PCDHB10: variants seen among roughly 807,000 people sequenced by gnomAD.
The protein encoded by PCDHB10 is protocadherin beta 10.
For missense variants in PCDHB10, 1,046 were observed against 1,004.7 expected (o/e 1.04, Z -0.56); for synonymous variants, 448 against 449.2 (o/e 1.00, Z 0.04).
rs149961535 is a variant in PCDHB10 at position 141,194,735 on chromosome 5, C to T, written c.2183C>T (p.Ser728Leu). Residue 728 changes from serine (S) to leucine (L), a missense_variant, in exon 1 of 1, where the codon TCG becomes TTG. Physicochemically the swap from Ser to Leu is moderately radical, Grantham distance 145. Transcript: ENST00000239446. ...RSRAASVGRC[S>L]VPEGPFPGHL... ...AGGGCGGCCTCGGTGGGTCGCTGCT[C>T]GGTGCCCGAGGGTCCTTTTCCAGGG... 26 of 1,612,996 alleles carry T rather than the reference C, an allele frequency of 1.6e-5. No individual in the cohort carries two copies. The South Asian group carries it at 1.9e-4, about 12-fold the overall frequency.
chr5:141,194,486 A>T lies in PCDHB10; in HGVS notation c.1934A>T (p.Lys645Met). The change falls in exon 1 of 1, where the codon AAG becomes ATG. Residue 645 changes from lysine (K) to methionine (M), a missense_variant. By Grantham distance (95) the Lys-to-Met change is moderately conservative. Coordinates refer to ENST00000239446, the MANE Select transcript of PCDHB10 (RefSeq NM_018930.4). Reference protein sequence around the residue: ...AAKHRLVVLVKDNGEPPRSAT... With the variant: ...AAKHRLVVLVMDNGEPPRSAT... ...AAGCACAGGCTCGTGGTGCTTGTCA[A>T]GGACAATGGCGAGCCTCCTCGCTCG... The T allele has an allele frequency of 6.3e-7, 1 of 1,595,254 alleles. No homozygotes were observed. Among genetic ancestry groups the T allele is most frequent in the Non-Finnish European group, 8.5e-7 (1 of 1,176,404 alleles).
chr5:141,193,577 A>G lies in PCDHB10; in HGVS notation c.1025A>G (p.Asp342Gly), dbSNP rs1402856574. Residue 342 changes from aspartate (D) to glycine (G), a missense_variant, in exon 1 of 1, where the codon GAC becomes GGC. Transcript: ENST00000239446. ...RVLVEVLDTN[D>G]NPPELIVSSF... ...TTAGTGGAAGTATTGGACACCAATG[A>G]CAATCCCCCTGAACTGATCGTATCA... 2 of 1,614,128 alleles carry G rather than the reference A, an allele frequency of 1.2e-6. No homozygotes were observed. The highest frequency in any genetic ancestry group is 3.3e-5 in the Admixed American group (2 of 60,020).
In PCDHB10 at chr5:141,193,085, T is replaced by C; in HGVS notation, c.533T>C (p.Phe178Ser). 6.2e-7 allele frequency: 1 copy of C among 1,614,162 alleles called. No individual in the cohort carries two copies. Among genetic ancestry groups the C allele is most frequent in the Non-Finnish European group, 8.5e-7 (1 of 1,180,028 alleles). ...QNYTISPNSF[F>S]HINISGGDEG... Reference sequence around the variant, plus strand: ...TACACGATCAGCCCCAACTCTTTTTTCCATATTAACATTAGTGGCGGTGAT... The same window carrying C: ...TACACGATCAGCCCCAACTCTTTTTCCCATATTAACATTAGTGGCGGTGAT... Residue 178 changes from phenylalanine to serine, a missense_variant, in exon 1 of 1, where the codon TTC (phenylalanine) becomes TCC (serine). Phe to Ser is a radical substitution (Grantham distance 155, BLOSUM62 -2). Transcript: ENST00000239446.
At position 141,193,884 on chromosome 5, in the gene PCDHB10, C is replaced by T. The variant is rs782037863; in HGVS notation, c.1332C>T (p.Val444=). The T allele has an allele frequency of 6.2e-7, 1 of 1,613,854 alleles. No individual in the cohort carries two copies. Among genetic ancestry groups the T allele is most frequent in the South Asian group, 1.1e-5 (1 of 91,052 alleles). ...ACATAACGGTCCTGGTCTCCGACGT[C>T]AATGACAACGCCCCCGCCTTCACCC... ...EHNITVLVSD[V]NDNAPAFTQT... is the part of the protein sequence containing the mutation. Residue 444 remains valine, a synonymous_variant, in exon 1 of 1, where the codon GTC becomes GTT. Coordinates refer to ENST00000239446, the MANE Select transcript of PCDHB10 (RefSeq NM_018930.4).
At position 141,192,924 on chromosome 5, in the gene PCDHB10, G is replaced by T. The variant is rs782082975; in HGVS notation, c.372G>T (p.Arg124Ser). 5.7e-5 allele frequency: 92 copies of T among 1,613,912 alleles called. No homozygotes were observed. Among genetic ancestry groups the T allele is most frequent in the South Asian group, 4.8e-4 (44 of 91,062 alleles). ...FQIYRAELRV[R>S]DINDHAPVFQ... ...TTTACCGGGCTGAGCTGAGAGTCAG[G>T]GATATAAATGATCACGCGCCAGTAT... The change falls in exon 1 of 1, where the codon AGG becomes AGT. Residue 124 changes from arginine to serine, a missense_variant. By Grantham distance (110) the Arg-to-Ser change is moderately radical (BLOSUM62 -1). Coordinates refer to ENST00000239446, the MANE Select transcript of PCDHB10 (RefSeq NM_018930.4).
chr5:141,192,500 T>C lies in PCDHB10; in HGVS notation c.-53T>C. ...TGCAGGGTTTCCTACTGCTGTTCTT[T>C]TATGCTGGGAGCTGTGGCTGTAACC... On this transcript the variant is annotated 5_prime_UTR_variant, in exon 1 of 1. Coordinates refer to ENST00000239446, the MANE Select transcript of PCDHB10 (RefSeq NM_018930.4). 1 of 1,579,100 alleles carries C rather than the reference T, an allele frequency of 6.3e-7. No homozygotes were observed. Among genetic ancestry groups the C allele is most frequent in the South Asian group, 1.2e-5 (1 of 83,840 alleles).
chr5:141,193,765 A>G lies in PCDHB10; in HGVS notation c.1213A>G (p.Thr405Ala), dbSNP rs1753968561. 1.2e-6 allele frequency: 2 copies of G among 1,614,162 alleles called. No homozygotes were observed. The highest frequency in any genetic ancestry group is 1.3e-5 in the African/African-American group (1 of 75,008). The change falls in exon 1 of 1, where the codon ACA becomes GCA. Residue 405 changes from threonine (T) to alanine (A), a missense_variant. Physicochemically the swap from Thr to Ala is moderately conservative, Grantham distance 58. Coordinates refer to ENST00000239446, the MANE Select transcript of PCDHB10 (RefSeq NM_018930.4). ...TGTGGAGAATTTTTACATCCTAATTACAGAAGGCGCGCTGGACAGAGAGAT... is the reference window on the plus strand; with the variant it reads ...TGTGGAGAATTTTTACATCCTAATTGCAGAAGGCGCGCTGGACAGAGAGAT... ...PSVENFYILI[T>A]EGALDREIRA...
Position 141,194,464 on chromosome 5 carries a change from C to A in PCDHB10, c.1912C>A (p.His638Asn), listed in dbSNP as rs1554284412. The change falls in exon 1 of 1, where the codon CAC (histidine) becomes AAC (asparagine). Residue 638 changes from histidine to asparagine, a missense_variant. His to Asn is a moderately conservative substitution (Grantham distance 68). Transcript: ENST00000239446. ...RLLSERDAAK[H>N]RLVVLVKDNG... ...GCTGAGCGAGCGCGACGCAGCCAAG[C>A]ACAGGCTCGTGGTGCTTGTCAAGGA... 4 of 1,601,336 alleles carry A rather than the reference C, an allele frequency of 2.5e-6. No individual in the cohort carries two copies. Among genetic ancestry groups the A allele is most frequent in the Non-Finnish European group, 2.5e-6 (3 of 1,178,728 alleles).
rs17844565 is a variant in PCDHB10 at position 141,193,968 on chromosome 5, C to T, written c.1416C>T (p.Ser472=). Residue 472 remains serine, a synonymous_variant, in exon 1 of 1, where the codon AGC becomes AGT. Coordinates refer to ENST00000239446, the MANE Select transcript of PCDHB10 (RefSeq NM_018930.4). ...ACAGCCCCGCCCTGCACATCGGCAG[C>T]GTCAGCGCCACAGACAGAGACTCGG... ...ENNSPALHIG[S]VSATDRDSGT... is the part of the protein sequence containing the mutation. 1,571 of 1,610,810 alleles carry T rather than the reference C, an allele frequency of 9.8e-4. 9 individuals are homozygous for T. The African/African-American group carries it at 0.012, about 12-fold the overall frequency.
Position 141,194,780 on chromosome 5 carries a change from G to A in PCDHB10, c.2228G>A (p.Gly743Asp), listed in dbSNP as rs200948800. ...PFPGHLVDVR[G>D]AETLSQSYQY... ...CCAGGGCATCTGGTGGACGTGAGGG[G>A]CGCTGAGACCCTGTCCCAGAGCTAC... The change falls in exon 1 of 1, where the codon GGC becomes GAC. Residue 743 changes from glycine to aspartate, a missense_variant. Physicochemically the swap from Gly to Asp is moderately conservative, Grantham distance 94. Coordinates refer to ENST00000239446, the MANE Select transcript of PCDHB10 (RefSeq NM_018930.4). 314 of 1,613,968 alleles carry A rather than the reference G, an allele frequency of 1.9e-4. No individual in the cohort carries two copies. The highest frequency in any genetic ancestry group is 2.6e-4 in the Non-Finnish European group (307 of 1,180,004).
chr5:141,195,552 G>T lies in PCDHB10; in HGVS notation c.*597G>T, dbSNP rs1464065047. 6.0e-6 allele frequency: 1 copy of T among 166,426 alleles called. No individual in the cohort carries two copies. The highest frequency in any genetic ancestry group is 6.6e-5 in the Admixed American group (1 of 15,234). 10.3% of individuals were successfully genotyped at this position (166,426 alleles called of 1,614,324 possible). On this transcript the variant is annotated 3_prime_UTR_variant, in exon 1 of 1. Transcript: ENST00000239446. ...CCAATATTTTCTTATGTTAACTTTT[G>T]CTGATGTATAAAACAGACTATGCCT...
rs782225109 is a variant in PCDHB10 at position 141,194,984 on chromosome 5, G to T, written c.*29G>T. On this transcript the variant is annotated 3_prime_UTR_variant, in exon 1 of 1. Coordinates refer to ENST00000239446, the MANE Select transcript of PCDHB10 (RefSeq NM_018930.4). ...CTGTTTTTAGTTTCATATACTTTTG[G>T]TGTGTTACATAGCCATGTTTCTATT... The T allele has an allele frequency of 6.4e-7, 1 of 1,554,456 alleles. No homozygotes were observed. The highest frequency in any genetic ancestry group is 8.7e-7 in the Non-Finnish European group (1 of 1,149,746).
Position 141,195,196 on chromosome 5 carries a change from A to T in PCDHB10, c.*241A>T. The T allele has an allele frequency of 2.6e-6, 1 of 388,558 alleles. No homozygotes were observed. Among genetic ancestry groups the T allele is most frequent in the South Asian group, 4.7e-5 (1 of 21,190 alleles). The allele number at this position is 388,558 out of a possible 1,614,324, so 24.1% of individuals were successfully genotyped here. A position where few individuals can be genotyped will look rare whatever the true frequency, so the allele number is the denominator to read the frequency against. ...TTAATTCTTTCCAACTGCCCAAGGA[A>T]TTAATTACTATTATATCTCATTACA... is the stretch of plus-strand genomic sequence containing the variant. On this transcript the variant is annotated 3_prime_UTR_variant, in exon 1 of 1. Coordinates refer to ENST00000239446, the MANE Select transcript of PCDHB10 (RefSeq NM_018930.4).
rs782513627 is a variant in PCDHB10 at position 141,193,417 on chromosome 5, C to A, written c.865C>A (p.Arg289=). ...YSFFDASENI[R]TTFQINPFSG... The stretch of plus-strand genomic sequence containing the variant: ...ATTTTTTGATGCCTCAGAAAATATT[C>A]GAACAACCTTTCAAATCAATCCTTT... Residue 289 remains arginine, a synonymous_variant, in exon 1 of 1, where the codon CGA becomes AGA. Coordinates refer to ENST00000239446, the MANE Select transcript of PCDHB10 (RefSeq NM_018930.4). 8 of 1,614,126 alleles carry A rather than the reference C, an allele frequency of 5.0e-6. No individual in the cohort carries two copies. Among genetic ancestry groups the A allele is most frequent in the Non-Finnish European group, 6.8e-6 (8 of 1,179,996 alleles).
At position 141,193,705 on chromosome 5, in the gene PCDHB10, A is replaced by G. The variant is rs146383974; in HGVS notation, c.1153A>G (p.Ile385Val). Residue 385 changes from isoleucine (I) to valine (V), a missense_variant, in exon 1 of 1, where the codon ATT becomes GTT. By Grantham distance (29) the Ile-to-Val change is conservative (BLOSUM62 3). Coordinates refer to ENST00000239446, the MANE Select transcript of PCDHB10 (RefSeq NM_018930.4). The stretch of plus-strand genomic sequence containing the variant: ...AGAAAATGGAAAGATGGTTTGCTAC[A>G]TTCAAGAGAATCTGCCATTCCTACT... ...SGENGKMVCY[I>V]QENLPFLLKP... 8 of 1,614,074 alleles carry G rather than the reference A, an allele frequency of 5.0e-6. No homozygotes were observed. In the African/African-American group the frequency reaches 1.1e-4, roughly 22 times the overall value.
Position 141,195,076 on chromosome 5 carries a change from C to A in PCDHB10, c.*121C>A. 2 of 1,058,800 alleles carry A rather than the reference C, an allele frequency of 1.9e-6. No individual in the cohort carries two copies. The highest frequency in any genetic ancestry group is 2.6e-6 in the Non-Finnish European group (2 of 758,388). The allele number at this position is 1,058,800 out of a possible 1,614,324, so 65.6% of individuals were successfully genotyped here. A position where few individuals can be genotyped will look rare whatever the true frequency, so the allele number is the denominator to read the frequency against. On this transcript the variant is annotated 3_prime_UTR_variant, in exon 1 of 1. Transcript: ENST00000239446. ...CAAGCATTATTTTCAAGTAGTATAC[C>A]CCTGTGGTTTTACAATGTTTCATCA...
rs1364880510 is a variant in PCDHB10, at chr5:141,193,470, G to A, written c.918G>A (p.Leu306=). Residue 306 remains leucine, a synonymous_variant, in exon 1 of 1, where the codon TTG becomes TTA. Transcript: ENST00000239446. ...PFSGEIFLRE[L]LDYELVNSYK... The stretch of plus-strand genomic sequence containing the variant: ...CTGGGGAAATCTTTCTCAGAGAATT[G>A]CTTGATTATGAGTTAGTAAATTCTT... The A allele has an allele frequency of 1.5e-5, 25 of 1,614,014 alleles. No individual in the cohort carries two copies. The highest frequency in any genetic ancestry group is 1.8e-5 in the Non-Finnish European group (21 of 1,180,028).
rs782227730 is a variant in PCDHB10, at chr5:141,193,070, G to A, written c.518G>A (p.Ser173Asn). 4.3e-6 allele frequency: 7 copies of A among 1,614,176 alleles called. No individual in the cohort carries two copies. The highest frequency in any genetic ancestry group is 1.3e-5 in the African/African-American group (1 of 75,024). ...AACGGTATCCAAAACTACACGATCA[G>A]CCCCAACTCTTTTTTCCATATTAAC... is the stretch of plus-strand genomic sequence containing the variant. Reference protein sequence around the residue: ...GLNGIQNYTISPNSFFHINIS... With the variant: ...GLNGIQNYTINPNSFFHINIS... The change falls in exon 1 of 1, where the codon AGC becomes AAC. Residue 173 changes from serine (S) to asparagine (N), a missense_variant. Physicochemically the swap from Ser to Asn is conservative, Grantham distance 46 (BLOSUM62 1). Coordinates refer to ENST00000239446, the MANE Select transcript of PCDHB10 (RefSeq NM_018930.4).
rs1753936404 is a variant in PCDHB10 at position 141,192,864 on chromosome 5, G to A, written c.312G>A (p.Leu104=). Residue 104 remains leucine (L), a synonymous_variant, in exon 1 of 1, where the codon CTG becomes CTA. Transcript: ENST00000239446. ...GTGGCCCTAAAGAGCCCTGTATGCT[G>A]TATTTCCAAATTTTAATGGATGATC... is the stretch of plus-strand genomic sequence containing the variant. ...KLCGPKEPCM[L]YFQILMDDPF... is the part of the protein sequence containing the mutation. 3.7e-6 allele frequency: 6 copies of A among 1,613,674 alleles called. No homozygotes were observed. Among genetic ancestry groups the A allele is most frequent in the Middle Eastern group, 1.6e-4 (1 of 6,062 alleles).
Sources: allele counts gnomAD v4.1 joint callset, GRCh38; gene constraint gnomAD v4.1.1; transcripts MANE v1.5; gene names NCBI Gene and HGNC (gene_info 2026-07-23, HGNC 2026-07-21).